UGT1A4: variants seen among roughly 807,000 people sequenced by gnomAD.
The protein encoded by UGT1A4 is UDP-glucuronosyltransferase 1A4.
UGT1A4 carries 32 observed loss-of-function variants against 41.1 expected under a neutral mutation model. The ratio of observed to expected loss-of-function variants is 0.78; its 90% confidence interval spans 0.59 to 1.05. The LOEUF is 1.05. UGT1A4 is among the 50% of genes least tolerant of loss of function. The probability of loss-of-function intolerance (pLI) is 0.00; values close to 1 mark genes in which losing one functional copy is unlikely to be tolerated. For synonymous variants in UGT1A4, 283 were observed against 265.1 expected (o/e 1.07, Z -0.66); for missense variants, 748 against 677.4 (o/e 1.10, Z -1.16).
At chr2:233,739,434 A>C (rs369218024) in intron 1 of UGT1A4, among the ~76,000 whole-genome samples, 2 of 152,136 alleles carry the variant, frequency 1.3e-5, no homozygotes, top group African/African-American at 2.4e-5. Flanking sequence ...CGAGGGCTTT[A>C]CCCTGCAAAG....
At chr2:233,743,713 A>G (rs753029773) in intron 1 of UGT1A4, 5 of 1,367,332 alleles carry the variant, frequency 3.7e-6, no homozygotes, top group South Asian at 2.3e-5. Flanking sequence ...CCGCCTCGCC[A>G]TAGCGGTCAT....
intron 1 of UGT1A4, among the ~76,000 whole-genome samples, chr2:233,761,933 C>T (rs1191781087): frequency 1.3e-5 from 2 of 152,210 alleles, no homozygotes; most frequent in Admixed American, 1.3e-4. Flanking sequence ...AGGCACTTCC[C>T]AGGTGCTGCG....
At chr2:233,760,184 G>A in intron 1 of UGT1A4, 1 of 1,553,564 alleles carries the variant, frequency 6.4e-7, no homozygotes, top group Non-Finnish European at 8.7e-7. Flanking sequence ...GCTTTTTATA[G>A]TCACGTGACA....
At position 233,719,330 on chromosome 2, in the gene UGT1A4, G is replaced by T; in HGVS notation, c.510G>T (p.Val170=). The T allele has an allele frequency of 6.2e-7, 1 of 1,613,866 alleles. No homozygotes were observed. The highest frequency in any genetic ancestry group is 1.7e-5 in the Admixed American group (1 of 60,004). ...CTAAGTACCTGTCGATTCCTGCTGT[G>T]TTTTTTTGGAGGTACATTCCATGTG... The part of the protein sequence containing the change: ...VLAKYLSIPA[V]FFWRYIPCDL... The change falls in exon 1 of 5, where the codon GTG becomes GTT. Residue 170 remains valine, a synonymous_variant. Coordinates refer to ENST00000373409, the MANE Select transcript of UGT1A4 (RefSeq NM_007120.3).
chr2:233,744,158 C>T (rs1163100045), intron 1 of UGT1A4: 5 of 297,370 alleles, frequency 1.7e-5, no homozygotes, highest in Admixed American at 4.5e-5. Context: ...GACCAGGCCC[C>T]GCCCACTCCG....
chr2:233,724,363 C>G (rs1212893783), intron 1 of UGT1A4, among the ~76,000 whole-genome samples: 1 of 136,850 alleles, frequency 7.3e-6, no homozygotes. Context: ...CCCTCCCGGA[C>G]GGGGTGGCTG....
chr2:233,754,737 G>T, intron 1 of UGT1A4: 1 of 665,248 alleles, frequency 1.5e-6, no homozygotes, highest in Non-Finnish European at 2.5e-6. Flanking sequence ...ACTACCGTAG[G>T]ACATGCAGAA....
intron 1 of UGT1A4, chr2:233,755,329 C>G (rs1159047004): frequency 4.3e-6 from 2 of 468,526 alleles, no homozygotes; most frequent in African/African-American, 2.0e-5. Flanking sequence ...CTGCCAGCAC[C>G]CGCGCACAGG....
At position 233,719,375 on chromosome 2, in the gene UGT1A4, A is replaced by G; in HGVS notation, c.555A>G (p.Thr185=). The change falls in exon 1 of 5, where the codon ACA becomes ACG. Residue 185 remains threonine (T), a synonymous_variant. Transcript: ENST00000373409. ...YIPCDLDFKG[T]QCPNPSSYIP... ...CATGTGACTTAGACTTTAAGGGCAC[A>G]CAGTGTCCAAATCCTTCCTCCTATA... 6.2e-7 allele frequency: 1 copy of G among 1,613,982 alleles called. No individual in the cohort carries two copies. The highest frequency in any genetic ancestry group is 8.5e-7 in the Non-Finnish European group (1 of 1,179,866).
In UGT1A4 at chr2:233,724,604, G is replaced by C. The variant is rs1340979109; in HGVS notation, c.867+4917G>C. Among the ~76,000 whole-genome samples the C allele has an allele frequency of 2.3e-5, 3 of 132,728 alleles. 1 individual carries two copies. Among genetic ancestry groups the C allele is most frequent in the Non-Finnish European group, 4.8e-5 (3 of 62,762 alleles). 87.1% of individuals were successfully genotyped at this position (132,728 alleles called of 152,430 possible). On this transcript the variant is annotated intron_variant, in intron 1 of 4. Transcript: ENST00000373409. ...GCTCCCCACATCTCAGACGATGGGCGGCCGGGCAGAGACGCTCCTCACTTC... is the reference window on the plus strand; with the variant it reads ...GCTCCCCACATCTCAGACGATGGGCCGCCGGGCAGAGACGCTCCTCACTTC...
intron 1 of UGT1A4, chr2:233,754,408 C>A (rs1318751129): frequency 2.9e-6 from 1 of 340,794 alleles, no homozygotes; most frequent in South Asian, 2.4e-5. Flanking sequence ...GCAGTCCCAA[C>A]AATAAAGACA....
chr2:233,729,036 T>C, intron 1 of UGT1A4: 1 of 1,603,088 alleles, frequency 6.2e-7, no homozygotes, highest in African/African-American at 1.3e-5. Flanking sequence ...ATTTGCTAAG[T>C]GGCTCAGTGA....
At chr2:233,734,101 T>C (rs2078479429) in intron 1 of UGT1A4, among the ~76,000 whole-genome samples, 1 of 151,280 alleles carries the variant, frequency 6.6e-6, no homozygotes. Context: ...AAACTTAAAG[T>C]ATAATAATAA....
chr2:233,734,278 T>A (rs2078507022), intron 1 of UGT1A4, among the ~76,000 whole-genome samples: 1 of 152,194 alleles, frequency 6.6e-6, no homozygotes, highest in Admixed American at 6.5e-5. Flanking sequence ...CAGGAATTTA[T>A]CCATTTCTTC....
At chr2:233,724,744 A>T (rs2077304128) in intron 1 of UGT1A4, among the ~76,000 whole-genome samples, 2 of 143,018 alleles carry the variant, frequency 1.4e-5, no homozygotes, top group South Asian at 5.1e-4. Context: ...GGCTCCTCAC[A>T]TCCCAGACGA....
At chr2:233,723,476 C>T (rs1238335619) in intron 1 of UGT1A4, among the ~76,000 whole-genome samples, 1 of 136,266 alleles carries the variant, frequency 7.3e-6, no homozygotes, top group African/African-American at 2.9e-5. Flanking sequence ...TCCCAAAGTG[C>T]TAGGATTCCA....
intron 1 of UGT1A4, chr2:233,760,484 T>C: frequency 6.2e-7 from 1 of 1,614,248 alleles, no homozygotes; most frequent in Non-Finnish European, 8.5e-7. Flanking sequence ...GACGCCTCGT[T>C]GTACATCAGA....
intron 1 of UGT1A4, chr2:233,760,289 T>A: frequency 2.5e-6 from 4 of 1,613,270 alleles, no homozygotes; most frequent in Non-Finnish European, 3.4e-6. Flanking sequence ...AAAGGCGCCA[T>A]GGCTGTGGAG....
At position 233,772,978 on chromosome 2, in the gene UGT1A4, T is replaced by C. The variant is rs34942353; in HGVS notation, c.*419T>C. On this transcript the variant is annotated 3_prime_UTR_variant, in exon 5 of 5. Coordinates refer to ENST00000373409, the MANE Select transcript of UGT1A4 (RefSeq NM_007120.3). ...GTTGCAATTGATCCTTAACCAATAATGGTCAGTCCTCATCTCTGTCGTGCT... is the reference window on the plus strand; with the variant it reads ...GTTGCAATTGATCCTTAACCAATAACGGTCAGTCCTCATCTCTGTCGTGCT... 9.7e-5 allele frequency: 29 copies of C among 299,424 alleles called. No homozygotes were observed. The East Asian group carries it at 2.0e-3, about 21-fold the overall frequency. 18.5% of individuals were successfully genotyped at this position (299,424 alleles called of 1,614,324 possible).
Sources: gnomAD v4.1 joint callset for allele counts (sites outside exome capture counted in the v4.1 genomes callset) on GRCh38, gnomAD v4.1.1 for gene constraint, MANE v1.5 for transcripts, NCBI Gene and HGNC (gene_info 2026-07-23, HGNC 2026-07-21) for gene names.